Variants in CERS5 observed in about 807,000 individuals in gnomAD.
CERS5 encodes ceramide synthase 5, also known as LAG1 homolog, ceramide synthase 5.
A neutral mutation model predicts 58.9 loss-of-function variants in CERS5; 37 were observed. The observed-to-expected ratio is 0.63, with a 90% CI of 0.48 to 0.83. CERS5 has a LOEUF of 0.83. Among genes scored for constraint, CERS5 ranks in the 40% least tolerant of loss-of-function variants. The pLI is 0.00. For missense variants in CERS5, 398 were observed against 489.3 expected (o/e 0.81, Z 1.76); for synonymous variants, 147 against 177.8 (o/e 0.83, Z 1.38).
In CERS5 at chr12:50,130,599, A is replaced by C. The variant is rs1192115111; in HGVS notation, c.1125T>G (p.Asn375Lys). 2 of 1,612,766 alleles carry C rather than the reference A, an allele frequency of 1.2e-6. No homozygotes were observed. Among genetic ancestry groups the C allele is most frequent in the African/African-American group, 2.7e-5 (2 of 74,918 alleles). The change falls in exon 10 of 10, where the codon AAT (asparagine) becomes AAG (lysine). Residue 375 changes from asparagine (N) to lysine (K), a missense_variant. By Grantham distance (94) the Asn-to-Lys change is moderately conservative. Coordinates refer to ENST00000317551, the MANE Select transcript of CERS5 (RefSeq NM_147190.5). ...TGTGACCATTCACCCGATTGGCACC[A>C]TTGCTGGAGCTACTGTCACAGGGAC... The part of the protein sequence containing the change: ...TKSPCDSSSS[N>K]GANRVNGHMG...
intron 4 of CERS5, among the ~76,000 whole-genome samples, chr12:50,141,308 T>C (rs1951961244): frequency 6.6e-6 from 1 of 152,140 alleles, no homozygotes; most frequent in African/African-American, 2.4e-5. Flanking sequence ...CATCTTGGCC[T>C]CCCAAAGTGT....
chr12:50,153,573 TGTATAATGTCACATA>T (rs1938224586), intron 1 of CERS5, among the ~76,000 whole-genome samples: 2 of 152,184 alleles, frequency 1.3e-5, no homozygotes. Context: ...TTTAAAATAT[TGTATAATGTCACATA>T]TTGACATGTG....
chr12:50,138,596 G>A lies in CERS5; in HGVS notation c.514C>T (p.Arg172Ter), dbSNP rs368640661. 9.9e-6 allele frequency: 16 copies of A among 1,613,530 alleles called. No individual in the cohort carries two copies. Among genetic ancestry groups the A allele is most frequent in the East Asian group, 6.7e-5 (3 of 44,874 alleles). Residue 172 changes from arginine to a stop codon, truncating the protein, a stop_gained, in exon 5 of 10, where the codon CGA (arginine) becomes TGA (stop). Coordinates refer to ENST00000317551, the MANE Select transcript of CERS5 (RefSeq NM_147190.5). LOFTEE classifies it high-confidence loss of function. ...AATGGATAGTTATGCCAGCACTGTC[G>A]GATGTCCCAGAACCAAGGTGACTAA... ...LWSSPWFWDIRQCWHNYPFQP... is the reference protein window; with the variant it reads ...LWSSPWFWDI
intron 4 of CERS5, among the ~76,000 whole-genome samples, chr12:50,139,794 GACAA>G (rs989024357): frequency 3.3e-5 from 5 of 152,072 alleles, no homozygotes; most frequent in South Asian, 2.1e-4. Context: ...CTCTGTCTCA[GACAA>G]ACAAACAAAC....
At chr12:50,159,395 G>T (rs921317828) in intron 1 of CERS5, among the ~76,000 whole-genome samples, 2 of 152,082 alleles carry the variant, frequency 1.3e-5, no homozygotes, top group Admixed American at 1.3e-4. Context: ...TTTACATTTA[G>T]AAATCTTATT....
intron 1 of CERS5, among the ~76,000 whole-genome samples, chr12:50,148,946 A>ATATATATATATATATATGTGTGTG (rs1420401358): frequency 9.7e-6 from 1 of 103,154 alleles, no homozygotes; most frequent in African/African-American, 4.0e-5. Context: ...ATATATATAT[A>ATATATATATATATATATGTGTGTG]TGTGTGTGTG....
intron 1 of CERS5, among the ~76,000 whole-genome samples, chr12:50,163,638 C>G (rs1024949370): frequency 3.9e-5 from 6 of 152,216 alleles, no homozygotes; most frequent in African/African-American, 1.2e-4. Flanking sequence ...CAGGCCTCTA[C>G]AAAAATTTAT....
At chr12:50,155,318 C>T (rs1938443166) in intron 1 of CERS5, among the ~76,000 whole-genome samples, 1 of 152,058 alleles carries the variant, frequency 6.6e-6, no homozygotes, top group African/African-American at 2.4e-5. Context: ...TGAGTAAATT[C>T]TTAAAAGAAG....
rs55762917 is a variant in CERS5, at chr12:50,156,420, C to CTATATATATATATATATATATATA, written c.197+10680_197+10681insTATATATATATATATATATATATA. 4.7e-3 allele frequency among the ~76,000 whole-genome samples: 365 copies of CTATATATATATATATATATATATA among 77,248 alleles called. 11 individuals are homozygous for CTATATATATATATATATATATATA. The highest frequency in any genetic ancestry group is 0.013 in the African/African-American group (250 of 19,320). 50.7% of individuals were successfully genotyped at this position (77,248 alleles called of 152,430 possible). ...CTCTGTCTCAAAACAAACAAACAAA[C>CTATATATATATATATATATATATA]TATATATATATATATATAAAACAAT... On this transcript the variant is annotated intron_variant, in intron 1 of 9. Coordinates refer to ENST00000317551, the MANE Select transcript of CERS5 (RefSeq NM_147190.5).
At chr12:50,142,965 A>G in intron 3 of CERS5, 109 bp downstream of exon 3, 1 of 1,197,890 alleles carries the variant, frequency 8.3e-7, no homozygotes, top group Non-Finnish European at 1.2e-6. Flanking sequence ...AGTTCTCTAT[A>G]TCCATTAACT....
chr12:50,142,455 C>T (rs1952021365), intron 3 of CERS5, among the ~76,000 whole-genome samples: 1 of 148,510 alleles, frequency 6.7e-6, no homozygotes, highest in African/African-American at 2.5e-5. Flanking sequence ...GAGGCTGAGG[C>T]AGGAGAATCG....
intron 9 of CERS5, 95 bp from the exon 10 acceptor site, chr12:50,130,789 G>C: frequency 8.5e-7 from 1 of 1,181,054 alleles, no homozygotes. Context: ...TTCCCAGTCT[G>C]GTCTGCTTTC....
chr12:50,161,869 C>CTTTTTTTTTTT (rs765766688), intron 1 of CERS5, among the ~76,000 whole-genome samples: 1 of 67,306 alleles, frequency 1.5e-5, no homozygotes, highest in Non-Finnish European at 2.5e-5. Context: ...TGTTCTTCTT[C>CTTTTTTTTTTT]TTTTTTTTTT....
Position 50,134,575 on chromosome 12 carries a change from T to G in CERS5, c.1000A>C (p.Ile334Leu). The change falls in exon 9 of 10, where the codon ATT becomes CTT. Residue 334 changes from isoleucine (I) to leucine (L), a missense_variant. By Grantham distance (5) the Ile-to-Leu change is conservative. Coordinates refer to ENST00000317551, the MANE Select transcript of CERS5 (RefSeq NM_147190.5). ...CCCCTGATCAAGGCTTTCAAAGCAA[T>G]CCGTGCAATTAGGTAGGACCAGATG... The part of the protein sequence containing the change: ...HVIWSYLIAR[I>L]ALKALIRGKV... 1 of 1,614,082 alleles carries G rather than the reference T, an allele frequency of 6.2e-7. No individual in the cohort carries two copies. The highest frequency in any genetic ancestry group is 8.5e-7 in the Non-Finnish European group (1 of 1,180,032).
rs148129035 is a variant in CERS5 at position 50,136,445 on chromosome 12, C to G, written c.637-376G>C. ...CTGAGATCGCGCCACTGCACTCCAG[C>G]CTGGGCGACAGACTGAGATTCCGTC... On this transcript the variant is annotated intron_variant, in intron 6 of 9. Coordinates refer to ENST00000317551, the MANE Select transcript of CERS5 (RefSeq NM_147190.5). Among the ~76,000 whole-genome samples, 1,442 of 150,704 alleles carry G rather than the reference C, an allele frequency of 9.6e-3. 21 individuals are homozygous for G. Among genetic ancestry groups the G allele is most frequent in the African/African-American group, 0.033 (1,352 of 40,780 alleles).
chr12:50,165,447 A>AG (rs1491511187), intron 1 of CERS5: 2 of 151,840 alleles, frequency 1.3e-5, no homozygotes, highest in Non-Finnish European at 2.9e-5. Flanking sequence ...AAAAGAAAAA[A>AG]AAAAAAACCT....
chr12:50,156,099 CA>C (rs34616031), intron 1 of CERS5, among the ~76,000 whole-genome samples: 31 of 48,980 alleles, frequency 6.3e-4, no homozygotes, highest in Middle Eastern at 0.017. Flanking sequence ...CATTCTGTCT[CA>C]AAAAAAAAAA....
intron 1 of CERS5, among the ~76,000 whole-genome samples, chr12:50,162,184 C>CTTTT (rs75460499): frequency 5.6e-4 from 73 of 129,366 alleles, no homozygotes; most frequent in Admixed American, 1.4e-3. Context: ...CTGATTTGTT[C>CTTTT]TTTTTTTTTT....
At position 50,143,756 on chromosome 12, in the gene CERS5, C is replaced by G. The variant is rs150204082; in HGVS notation, c.303+196G>C. On this transcript the variant is annotated intron_variant, in intron 2 of 9. Coordinates refer to ENST00000317551, the MANE Select transcript of CERS5 (RefSeq NM_147190.5). ...GCCTAAAACTCAAACCTACTACGTA[C>G]GTAAACTTGACATACGTAGGGCCCA... is the stretch of plus-strand genomic sequence containing the variant. The G allele has an allele frequency of 5.0e-4, 254 of 511,298 alleles. 1 individual carries two copies. In the East Asian group the frequency reaches 7.7e-3, roughly 16 times the overall value. 31.7% of individuals were successfully genotyped at this position (511,298 alleles called of 1,614,324 possible).
Sources: gnomAD v4.1 joint callset for allele counts (sites outside exome capture counted in the v4.1 genomes callset) on GRCh38, gnomAD v4.1.1 for gene constraint, MANE v1.5 for transcripts, NCBI Gene and HGNC (gene_info 2026-07-23, HGNC 2026-07-21) for gene names.